DNAH9: variants seen among roughly 807,000 people sequenced by gnomAD.
DNAH9 encodes the protein DNAH9 variant protein.
DNAH9 carries 345 observed loss-of-function variants against 471.6 expected under a neutral mutation model. That is an observed-to-expected ratio of 0.73 (90% CI 0.67 to 0.80). DNAH9 has a LOEUF of 0.80. DNAH9 is among the 30% of genes least tolerant of loss of function. The pLI, the probability that DNAH9 is intolerant of heterozygous loss-of-function variation, is 0.00. For synonymous variants in DNAH9, 2,093 were observed against 2,123.6 expected, an observed-to-expected ratio of 0.99 and a Z score of 0.40; for missense variants, 5,407 against 5,609.2, an observed-to-expected ratio of 0.96 and a Z score of 1.15.
rs182762599 is a variant in DNAH9 at position 11,961,880 on chromosome 17, T to A, written c.12857T>A (p.Met4286Lys). The A allele has an allele frequency of 2.0e-4, 322 of 1,608,698 alleles. 1 individual carries two copies. In the East Asian group the frequency reaches 3.3e-3, roughly 16 times the overall value. Residue 4286 changes from methionine (M) to lysine (K), a missense_variant, in exon 68 of 69, where the codon ATG (methionine) becomes AAG (lysine). Around this residue, in one of 3 missense-constraint regions of DNAH9, gnomAD observed 4,636 missense variants for 4,900.3 expected, o/e 0.95. Coordinates refer to ENST00000262442, the MANE Select transcript of DNAH9 (RefSeq NM_001372.4). ...LELGLKGELTMTSHMENLQNA... is the reference protein window; with the variant it reads ...LELGLKGELTKTSHMENLQNA... ...CTTTATCTTCAGGGGGAGCTGACTA[T>A]GACCAGCCACATGGAGAACTTACAG...
In DNAH9 at chr17:11,825,882, C is replaced by A. The variant is rs779960758; in HGVS notation, c.9246+2848C>A. On this transcript the variant is annotated intron_variant, in intron 48 of 68. Transcript: ENST00000262442. ...AGAGGTTTTCTAGGAAATAGGCAGG[C>A]AATTCCCAGAATCAGGACTTTTCTT... Among the ~76,000 whole-genome samples, 7 of 152,314 alleles carry A rather than the reference C, an allele frequency of 4.6e-5. No homozygotes were observed. The East Asian group carries it at 1.4e-3, about 29-fold the overall frequency.
chr17:11,936,288 T>C (rs1974710597), intron 65 of DNAH9, among the ~76,000 whole-genome samples: 1 of 152,076 alleles, frequency 6.6e-6, no homozygotes, highest in African/African-American at 2.4e-5. Context: ...GGAACGGAAC[T>C]TGAGGGATAT....
intron 36 of DNAH9, among the ~76,000 whole-genome samples, chr17:11,765,150 A>T (rs986800623): frequency 6.6e-6 from 1 of 152,210 alleles, no homozygotes; most frequent in African/African-American, 2.4e-5. Context: ...AAGTGAATGC[A>T]TAATGTTCTA....
chr17:11,910,127 T>C (rs1597815611), intron 61 of DNAH9, among the ~76,000 whole-genome samples: 2 of 151,884 alleles, frequency 1.3e-5, no homozygotes, highest in South Asian at 4.2e-4. Context: ...TGGTGGCGGG[T>C]GCCTGTAGTC....
chr17:11,765,269 T>C (rs1049999068), intron 36 of DNAH9, among the ~76,000 whole-genome samples: 1 of 152,204 alleles, frequency 6.6e-6, no homozygotes, highest in Non-Finnish European at 1.5e-5. Flanking sequence ...CTGGTGTCTC[T>C]CTTGCAACAG....
intron 49 of DNAH9, among the ~76,000 whole-genome samples, chr17:11,837,001 T>C (rs1429448373): frequency 6.6e-6 from 1 of 152,184 alleles, no homozygotes; most frequent in African/African-American, 2.4e-5. Context: ...ACCATTCCCA[T>C]TACGTTGTTA....
At chr17:11,762,770 G>GTTTTGTTTTTTTTTTTT (rs1967747335) in intron 35 of DNAH9, among the ~76,000 whole-genome samples, 2 of 90,746 alleles carry the variant, frequency 2.2e-5, no homozygotes, top group Non-Finnish European at 4.4e-5. Context: ...TTTTTTTTTT[G>GTTTTGTTTTTTTTTTTT]TTTTTTTTTT....
At chr17:11,726,581 T>G (rs1454573507) in intron 27 of DNAH9, among the ~76,000 whole-genome samples, 2 of 152,198 alleles carry the variant, frequency 1.3e-5, no homozygotes, top group African/African-American at 4.8e-5. Flanking sequence ...ACTCTGACCC[T>G]CTCTTCTGTG....
In DNAH9 at chr17:11,689,719, C is replaced by T; in HGVS notation, c.3897C>T (p.Val1299=). ...AGCTGAGGCAGTGCAGGAAGGAGGT[C>T]TGCCAGCTGAAGGAGCTCTGGGACA... ...YKQLRQCRKE[V]CQLKELWDTI... The change falls in exon 20 of 69, where the codon GTC becomes GTT. Residue 1299 remains valine, a synonymous_variant. Coordinates refer to ENST00000262442, the MANE Select transcript of DNAH9 (RefSeq NM_001372.4). The T allele has an allele frequency of 2.5e-6, 4 of 1,614,208 alleles. No individual in the cohort carries two copies. Among genetic ancestry groups the T allele is most frequent in the Non-Finnish European group, 3.4e-6 (4 of 1,180,032 alleles).
Position 11,752,853 on chromosome 17 carries a change from C to A in DNAH9, c.6631C>A (p.Arg2211=), listed in dbSNP as rs140395355. 6.9e-6 allele frequency: 11 copies of A among 1,600,548 alleles called. No homozygotes were observed. The Admixed American group carries it at 7.0e-5, about 10-fold the overall frequency. The change falls in exon 33 of 69, where the codon CGG becomes AGG. Residue 2211 remains arginine, a synonymous_variant. Coordinates refer to ENST00000262442, the MANE Select transcript of DNAH9 (RefSeq NM_001372.4). ...WKDGLFSSIM[R]ELANITHDGP... is the part of the protein sequence containing the mutation. The stretch of plus-strand genomic sequence containing the variant: ...TTTAGGATTGTTCTCTTCCATCATG[C>A]GGGAGCTTGCCAACATCACCCATGA...
intron 45 of DNAH9, among the ~76,000 whole-genome samples, chr17:11,815,856 G>A (rs183906035): frequency 6.6e-6 from 1 of 152,294 alleles, no homozygotes; most frequent in Non-Finnish European, 1.5e-5. Context: ...CCAACTGGTT[G>A]CAGAATGAAC....
chr17:11,690,100 A>C lies in DNAH9; in HGVS notation c.4278A>C (p.Lys1426Asn). The change falls in exon 20 of 69, where the codon AAA becomes AAC. Residue 1426 changes from lysine to asparagine, a missense_variant. Coordinates refer to ENST00000262442, the MANE Select transcript of DNAH9 (RefSeq NM_001372.4). ...ATGAGGTCCGGGGCATTGTGGACAA[A>C]GCTGCAAAAGAGATGGGTATGGAGA... The part of the protein sequence containing the change: ...YEDEVRGIVD[K>N]AAKEMGMEKT... 1 of 1,614,176 alleles carries C rather than the reference A, an allele frequency of 6.2e-7. No homozygotes were observed. Among genetic ancestry groups the C allele is most frequent in the Non-Finnish European group, 8.5e-7 (1 of 1,180,028 alleles).
In DNAH9 at chr17:11,747,657, C is replaced by T; in HGVS notation, c.6501C>T (p.Thr2167=). 6.2e-7 allele frequency: 1 copy of T among 1,614,082 alleles called. No homozygotes were observed. Among genetic ancestry groups the T allele is most frequent in the Non-Finnish European group, 8.5e-7 (1 of 1,180,004 alleles). ...AGGTGCTGAGGTCCTTGCACAAGAC[C>T]TATCAGATCATGAAACGGCGCCCCG... ...KSQVLRSLHK[T]YQIMKRRPVW... is the part of the protein sequence containing the mutation. The change falls in exon 32 of 69, where the codon ACC becomes ACT. Residue 2167 remains threonine (T), a synonymous_variant. Coordinates refer to ENST00000262442, the MANE Select transcript of DNAH9 (RefSeq NM_001372.4).
intron 56 of DNAH9, 72 bp from the exon 57 acceptor site, chr17:11,886,753 A>C: frequency 6.5e-7 from 1 of 1,535,724 alleles, no homozygotes; most frequent in Non-Finnish European, 8.8e-7. Flanking sequence ...CTACTCACAC[A>C]GAGGGGCCAA....
chr17:11,890,411 G>A (rs968640059), intron 57 of DNAH9, among the ~76,000 whole-genome samples: 1 of 152,170 alleles, frequency 6.6e-6, no homozygotes, highest in Non-Finnish European at 1.5e-5. Flanking sequence ...CAAAGCCTTT[G>A]TTAACAAGAA....
intron 38 of DNAH9, among the ~76,000 whole-genome samples, chr17:11,775,330 T>G (rs1310467358): frequency 6.6e-6 from 1 of 152,126 alleles, no homozygotes; most frequent in African/African-American, 2.4e-5. Context: ...CTTCTCAAAT[T>G]TAAGAATCTA....
At chr17:11,952,481 T>C (rs1427278184) in intron 67 of DNAH9, among the ~76,000 whole-genome samples, 1 of 136,388 alleles carries the variant, frequency 7.3e-6, no homozygotes, top group Non-Finnish European at 1.6e-5. Flanking sequence ...TTTTATAATT[T>C]TAGTTCACTT....
At chr17:11,950,844 T>G (rs931198655) in intron 67 of DNAH9, among the ~76,000 whole-genome samples, 2 of 152,148 alleles carry the variant, frequency 1.3e-5, no homozygotes, top group African/African-American at 4.8e-5. Flanking sequence ...AGTCCAGGGT[T>G]CCATCTGAGT....
intron 48 of DNAH9, 151 bp from the exon 49 acceptor site, chr17:11,834,487 C>G (rs1054059374): frequency 2.1e-5 from 19 of 908,856 alleles, no homozygotes; most frequent in Non-Finnish European, 3.1e-5. Flanking sequence ...CATCTGACAG[C>G]GCAGCTTTGT....
Sources: allele counts gnomAD v4.1 joint callset (sites outside exome capture counted in the v4.1 genomes callset), GRCh38; gene constraint gnomAD v4.1.1; regional missense constraint gnomAD v4.1.1; transcripts MANE v1.5; gene names NCBI Gene and HGNC (gene_info 2026-07-23, HGNC 2026-07-21).